TEAD1: variants seen among roughly 807,000 people sequenced by gnomAD.
TEAD1 encodes transcriptional enhancer factor TEF-1.
In TEAD1, 9 loss-of-function variants were observed where a neutral mutation model predicts 54.9. That is an observed-to-expected ratio of 0.16 (90% CI 0.10 to 0.29). The LOEUF is 0.29. TEAD1 is among the 10% of genes least tolerant of loss of function. The pLI is 1.00. For missense variants in TEAD1, 387 were observed against 535.9 expected (o/e 0.72, Z 2.74); for synonymous variants, 200 against 187.8 (o/e 1.07, Z -0.53).
intron 2 of TEAD1, 53 bp downstream of exon 2, chr11:12,675,614 G>C (rs904792201): frequency 6.6e-6 from 1 of 152,326 alleles, no homozygotes; most frequent in South Asian, 2.1e-4. Context: ...TGATCCCCGG[G>C]GGGGAGAAAA....
chr11:12,928,075 A>C (rs1401315456), intron 11 of TEAD1, among the ~76,000 whole-genome samples: 3 of 152,166 alleles, frequency 2.0e-5, no homozygotes, highest in East Asian at 1.9e-4. Context: ...ACGTTATCAA[A>C]TGCTTTTCAG....
At chr11:12,794,755 A>G (rs554298991) in intron 3 of TEAD1, among the ~76,000 whole-genome samples, 31 of 152,348 alleles carry the variant, frequency 2.0e-4, no homozygotes, top group African/African-American at 7.0e-4. Context: ...GTGCATGCAC[A>G]TAATGGGCCC....
intron 3 of TEAD1, among the ~76,000 whole-genome samples, chr11:12,791,617 G>C (rs1336344711): frequency 6.6e-6 from 1 of 152,152 alleles, no homozygotes; most frequent in East Asian, 1.9e-4. Flanking sequence ...GAACATCTTA[G>C]AGTTGTCTAC....
At chr11:12,841,943 C>T (rs189570433) in intron 3 of TEAD1, among the ~76,000 whole-genome samples, 1 of 152,224 alleles carries the variant, frequency 6.6e-6, no homozygotes, top group East Asian at 1.9e-4. Flanking sequence ...TAAAATGTAT[C>T]GTGACCTCTC....
intron 3 of TEAD1, among the ~76,000 whole-genome samples, chr11:12,775,275 A>T (rs189463320): frequency 8.5e-5 from 13 of 152,108 alleles, no homozygotes; most frequent in Non-Finnish European, 1.3e-4. Context: ...GCCACAAATG[A>T]TGGAAGGGAC....
chr11:12,888,061 T>C (rs1237037300), intron 9 of TEAD1, among the ~76,000 whole-genome samples: 1 of 152,260 alleles, frequency 6.6e-6, no homozygotes, highest in Non-Finnish European at 1.5e-5. Context: ...CCAGGTTCCA[T>C]GCTATTTGTC....
intron 5 of TEAD1, among the ~76,000 whole-genome samples, chr11:12,878,267 C>G (rs1947896496): frequency 6.6e-6 from 1 of 152,146 alleles, no homozygotes; most frequent in African/African-American, 2.4e-5. Context: ...TGTTCATGAG[C>G]TTTGATTTTT....
intron 2 of TEAD1, among the ~76,000 whole-genome samples, chr11:12,696,833 T>C (rs1943594837): frequency 6.6e-6 from 1 of 152,074 alleles, no homozygotes; most frequent in African/African-American, 2.4e-5. Context: ...CCTCAGCAGA[T>C]AGAGCTGTCC....
chr11:12,768,162 G>C (rs1320076498), intron 3 of TEAD1, among the ~76,000 whole-genome samples: 1 of 152,140 alleles, frequency 6.6e-6, no homozygotes, highest in Admixed American at 6.5e-5. Flanking sequence ...ACACTTAACA[G>C]TCTGGACTCT....
chr11:12,745,728 C>T (rs1446225175), intron 2 of TEAD1, among the ~76,000 whole-genome samples: 1 of 151,262 alleles, frequency 6.6e-6, no homozygotes, highest in Non-Finnish European at 1.5e-5. Flanking sequence ...AGAACCTTTT[C>T]CCCATCAAAA....
chr11:12,797,254 G>GCC lies in TEAD1; in HGVS notation c.202+32822_202+32823dup, dbSNP rs143529552. ...ATGGTGATTGTGTTCAGACCATCTT[G>GCC]CCCTACTGTTCCCTCAAACTCTGTC... is the stretch of plus-strand genomic sequence containing the variant. On this transcript the variant is annotated intron_variant, in intron 3 of 12. Coordinates refer to ENST00000527636, the MANE Select transcript of TEAD1 (RefSeq NM_021961.6). Among the ~76,000 whole-genome samples, 1,013 of 152,306 alleles carry GCC rather than the reference G, an allele frequency of 6.7e-3. 9 individuals are homozygous for GCC. The highest frequency in any genetic ancestry group is 0.011 in the Non-Finnish European group (717 of 68,024).
intron 9 of TEAD1, among the ~76,000 whole-genome samples, chr11:12,891,190 A>T (rs1948190681): frequency 6.6e-6 from 1 of 152,196 alleles, no homozygotes. Flanking sequence ...CCTACCCTTA[A>T]GTAGGTAGCC....
At chr11:12,726,145 G>A (rs1294435627) in intron 2 of TEAD1, among the ~76,000 whole-genome samples, 2 of 152,226 alleles carry the variant, frequency 1.3e-5, no homozygotes, top group Admixed American at 1.3e-4. Flanking sequence ...TAAGGGCAGT[G>A]ATGAGTGAAG....
rs1943036512 is a variant in TEAD1 at position 12,674,682 on chromosome 11, C to T, written c.-360C>T. 6.6e-6 allele frequency: 1 copy of T among 151,390 alleles called. No homozygotes were observed. Among genetic ancestry groups the T allele is most frequent in the Admixed American group, 6.6e-5 (1 of 15,192 alleles). The allele number at this position is 151,390 out of a possible 1,614,324, so 9.4% of individuals were successfully genotyped here. On this transcript the variant is annotated 5_prime_UTR_variant, in exon 1 of 13. Transcript: ENST00000527636. ...GCAGCAGCCCAGCGCGCCAGCCGGC[C>T]CCGGGGCAGGAGCGGTGCTAGGCAG...
In TEAD1 at chr11:12,887,080, T is replaced by G. The variant is rs563853345; in HGVS notation, c.699+3955T>G. On this transcript the variant is annotated intron_variant, in intron 9 of 12. Coordinates refer to ENST00000527636, the MANE Select transcript of TEAD1 (RefSeq NM_021961.6). ...ATGCAAATGAATGTGGAAGTTTTTT[T>G]GTTTTTTTTTTTGTTTGTTTTTTTT... 0.013 allele frequency among the ~76,000 whole-genome samples: 245 copies of G among 19,476 alleles called. 4 individuals carry two copies. In the Admixed American group the frequency reaches 0.14, roughly 11 times the overall value. 12.8% of individuals were successfully genotyped at this position (19,476 alleles called of 152,430 possible). A position where few individuals can be genotyped will look rare whatever the true frequency, so the allele number is the denominator to read the frequency against.
At chr11:12,863,169 T>G (rs191957291) in intron 4 of TEAD1, among the ~76,000 whole-genome samples, 1 of 152,188 alleles carries the variant, frequency 6.6e-6, no homozygotes, top group Non-Finnish European at 1.5e-5. Flanking sequence ...GTGGTCTCAT[T>G]AAGATTGAGC....
intron 2 of TEAD1, among the ~76,000 whole-genome samples, chr11:12,750,069 TCATTGGGACC>T (rs934200510): frequency 3.9e-5 from 6 of 152,350 alleles, no homozygotes; most frequent in Middle Eastern, 3.4e-3. Flanking sequence ...GTGTTGGTGA[TCATTGGGACC>T]CAGTTGACAT....
chr11:12,850,484 T>C (rs1947252329), intron 3 of TEAD1, among the ~76,000 whole-genome samples: 2 of 152,190 alleles, frequency 1.3e-5, no homozygotes, highest in Admixed American at 1.3e-4. Flanking sequence ...TGCCAGAGCC[T>C]TCCCATTTTC....
chr11:12,752,213 GTTTTTT>G (rs35143229), intron 2 of TEAD1, among the ~76,000 whole-genome samples: 77 of 101,040 alleles, frequency 7.6e-4, no homozygotes, highest in African/African-American at 2.6e-3. Flanking sequence ...AAACAGGGCA[GTTTTTT>G]TTTTTTTTTT....
Sources: gnomAD v4.1 joint callset for allele counts (sites outside exome capture counted in the v4.1 genomes callset) on GRCh38, gnomAD v4.1.1 for gene constraint, MANE v1.5 for transcripts, NCBI Gene and HGNC (gene_info 2026-07-23, HGNC 2026-07-21) for gene names.